DLG2: variants seen among roughly 807,000 people sequenced by gnomAD.
DLG2 encodes disks large homolog 2.
In DLG2, 45 loss-of-function variants were observed where a neutral mutation model predicts 132.5. The observed-to-expected ratio is 0.34, with a 90% CI of 0.27 to 0.44. The LOEUF is 0.44. DLG2 is among the 20% of genes least tolerant of loss of function. The pLI, the probability that DLG2 is intolerant of heterozygous loss-of-function variation, is 1.00. For synonymous variants in DLG2, 424 were observed against 419.6 expected (o/e 1.01, Z -0.13); for missense variants, 1,045 against 1,196.9 (o/e 0.87, Z 1.87).
chr11:85,533,394 A>G (rs999716581), intron 3 of DLG2, among the ~76,000 whole-genome samples: 1 of 150,870 alleles, frequency 6.6e-6, no homozygotes, highest in African/African-American at 2.4e-5. Context: ...GCTTTTTAAA[A>G]TACATACACA....
chr11:84,527,077 C>T (rs1041547990), intron 7 of DLG2, among the ~76,000 whole-genome samples: 3 of 151,938 alleles, frequency 2.0e-5, no homozygotes, highest in Non-Finnish European at 4.4e-5. Flanking sequence ...CGCTCCCGGC[C>T]CCACTGGGGG....
intron 6 of DLG2, among the ~76,000 whole-genome samples, chr11:84,578,005 T>C (rs2099506703): frequency 6.6e-6 from 1 of 152,218 alleles, no homozygotes; most frequent in Non-Finnish European, 1.5e-5. Flanking sequence ...GTACACAGGC[T>C]GTGGCTTCAG....
At chr11:84,067,136 C>T (rs2096686608) in intron 10 of DLG2, among the ~76,000 whole-genome samples, 1 of 151,992 alleles carries the variant, frequency 6.6e-6, no homozygotes, top group South Asian at 2.1e-4. Flanking sequence ...AGTTCGAGAC[C>T]AGCCAGACCA....
At chr11:84,135,661 C>T (rs957596790) in intron 9 of DLG2, among the ~76,000 whole-genome samples, 5 of 152,018 alleles carry the variant, frequency 3.3e-5, no homozygotes, top group Admixed American at 1.3e-4. Context: ...AAAAATTCCA[C>T]GTCATGCCGT....
chr11:84,014,549 C>A (rs547549878), intron 11 of DLG2, among the ~76,000 whole-genome samples: 3 of 152,268 alleles, frequency 2.0e-5, no homozygotes, highest in African/African-American at 7.2e-5. Flanking sequence ...CAAATGAGTT[C>A]TTATTGACTA....
intron 7 of DLG2, among the ~76,000 whole-genome samples, chr11:84,273,554 T>C (rs1426657560): frequency 6.6e-6 from 1 of 152,086 alleles, no homozygotes; most frequent in Non-Finnish European, 1.5e-5. Context: ...AAATGGCACA[T>C]ACCATAAGCG....
chr11:84,939,706 AAC>A (rs1162107181), intron 6 of DLG2, among the ~76,000 whole-genome samples: 3 of 152,208 alleles, frequency 2.0e-5, no homozygotes, highest in Admixed American at 6.5e-5. Context: ...TATTCCACTG[AAC>A]ATAATGTTCT....
At chr11:83,529,506 T>C (rs1171526062) in intron 21 of DLG2, among the ~76,000 whole-genome samples, 2 of 152,130 alleles carry the variant, frequency 1.3e-5, no homozygotes, top group African/African-American at 4.8e-5. Flanking sequence ...TAAAAAATCA[T>C]TGAATCCAGT....
intron 6 of DLG2, among the ~76,000 whole-genome samples, chr11:85,067,716 A>T (rs2065140090): frequency 6.6e-6 from 1 of 151,892 alleles, no homozygotes; most frequent in Non-Finnish European, 1.5e-5. Context: ...TACAAGGAGG[A>T]GCTGGTACAA....
chr11:83,742,389 T>C (rs2092592792), intron 18 of DLG2, among the ~76,000 whole-genome samples: 1 of 152,002 alleles, frequency 6.6e-6, no homozygotes, highest in Admixed American at 6.6e-5. Flanking sequence ...AAATAAATAG[T>C]ACTCTAAGGA....
At chr11:84,952,777 C>T (rs576912072) in intron 6 of DLG2, among the ~76,000 whole-genome samples, 1 of 152,286 alleles carries the variant, frequency 6.6e-6, no homozygotes, top group Admixed American at 6.5e-5. Context: ...AACTACATTG[C>T]TGAAAGGGTA....
chr11:84,104,199 T>C (rs982053033), intron 9 of DLG2, among the ~76,000 whole-genome samples: 3 of 152,094 alleles, frequency 2.0e-5, no homozygotes, highest in Non-Finnish European at 4.4e-5. Context: ...AATGGTGGAC[T>C]GAAAGAAAAT....
At position 83,459,178 on chromosome 11, in the gene DLG2, T is replaced by C. The variant is rs2089440802; in HGVS notation, c.*640A>G. 6.6e-6 allele frequency: 1 copy of C among 152,636 alleles called. No homozygotes were observed. Among genetic ancestry groups the C allele is most frequent in the Admixed American group, 6.5e-5 (1 of 15,286 alleles). The allele number at this position is 152,636 out of a possible 1,614,324, so 9.5% of individuals were successfully genotyped here. ...TGGCAAAATAGGCAATCAACAATCA[T>C]AAAGCTAATCCCAGGTGGAATCCCC... is the stretch of plus-strand genomic sequence containing the variant. On this transcript the variant is annotated 3_prime_UTR_variant, in exon 28 of 28. Coordinates refer to ENST00000376104, the MANE Select transcript of DLG2 (RefSeq NM_001142699.3).
At chr11:84,907,815 C>T (rs2091682684) in intron 6 of DLG2, among the ~76,000 whole-genome samples, 1 of 152,100 alleles carries the variant, frequency 6.6e-6, no homozygotes, top group Non-Finnish European at 1.5e-5. Context: ...ACTTGAGAGG[C>T]TGTACATTTT....
chr11:85,328,802 G>A (rs762564103), intron 3 of DLG2, among the ~76,000 whole-genome samples: 173 of 123,226 alleles, frequency 1.4e-3, no homozygotes, highest in Non-Finnish European at 2.5e-3. Context: ...AGGAAATAAA[G>A]GGTATTCAAT....
At chr11:83,896,057 G>A (rs1162696596) in intron 15 of DLG2, among the ~76,000 whole-genome samples, 1 of 151,972 alleles carries the variant, frequency 6.6e-6, no homozygotes, top group African/African-American at 2.4e-5. Flanking sequence ...ACTCTCTTAT[G>A]TATACAGTAC....
At chr11:84,298,752 C>G (rs1257414969) in intron 7 of DLG2, among the ~76,000 whole-genome samples, 4 of 152,120 alleles carry the variant, frequency 2.6e-5, no homozygotes, top group Admixed American at 6.5e-5. Context: ...TTTTATCCAA[C>G]ACAGAAATAG....
chr11:84,870,674 T>C (rs1473507277), intron 6 of DLG2, among the ~76,000 whole-genome samples: 3 of 152,230 alleles, frequency 2.0e-5, no homozygotes, highest in African/African-American at 7.2e-5. Context: ...TTCATCACTG[T>C]GTACATAATA....
At chr11:83,495,301 C>A (rs571657390) in intron 21 of DLG2, among the ~76,000 whole-genome samples, 2 of 152,166 alleles carry the variant, frequency 1.3e-5, no homozygotes, top group South Asian at 4.2e-4. Context: ...ATCAGAAAAA[C>A]CTGAGACATC....
Sources: gnomAD v4.1 joint callset for allele counts (sites outside exome capture counted in the v4.1 genomes callset) on GRCh38, gnomAD v4.1.1 for gene constraint, MANE v1.5 for transcripts, NCBI Gene and HGNC (gene_info 2026-07-23, HGNC 2026-07-21) for gene names.